The following SLC24A3 variants were observed in gnomAD, a reference collection of about 807,000 sequenced individuals.
SLC24A3 encodes solute carrier family 24 member 3, also known as sodium/potassium/calcium exchanger 3.
A neutral mutation model predicts 75.8 loss-of-function variants in SLC24A3; 28 were observed. That is an observed-to-expected ratio of 0.37 (90% CI 0.27 to 0.51). SLC24A3 has a LOEUF of 0.51. Among genes scored for constraint, SLC24A3 ranks in the 20% least tolerant of loss-of-function variants. The probability of loss-of-function intolerance (pLI) is 0.94; values close to 1 mark genes in which losing one functional copy is unlikely to be tolerated. For synonymous variants in SLC24A3, 372 were observed against 334.1 expected, an observed-to-expected ratio of 1.11 and a Z score of -1.24; for missense variants, 663 against 847.8, an observed-to-expected ratio of 0.78 and a Z score of 2.71.
At chr20:19,540,241 T>C (rs2030471893) in intron 3 of SLC24A3, among the ~76,000 whole-genome samples, 1 of 152,072 alleles carries the variant, frequency 6.6e-6, no homozygotes, top group Non-Finnish European at 1.5e-5. Context: ...GTAAAACACG[T>C]TCAGTGCAGA....
intron 3 of SLC24A3, among the ~76,000 whole-genome samples, chr20:19,569,632 G>T (rs1442972263): frequency 3.3e-5 from 5 of 152,194 alleles, no homozygotes; most frequent in Admixed American, 6.5e-5. Flanking sequence ...TGTGACAGGA[G>T]AGGGGAGGGC....
At chr20:19,619,159 T>G (rs1472408895) in intron 6 of SLC24A3, among the ~76,000 whole-genome samples, 2 of 152,212 alleles carry the variant, frequency 1.3e-5, no homozygotes, top group African/African-American at 2.4e-5. Flanking sequence ...AGCAATTCCC[T>G]TACAGCAAAT....
intron 1 of SLC24A3, chr20:19,244,222 A>G (rs1982417446): frequency 6.6e-6 from 1 of 152,108 alleles, no homozygotes. Context: ...GCATTCCTTT[A>G]GTGCCTTATG....
intron 8 of SLC24A3, among the ~76,000 whole-genome samples, chr20:19,666,268 A>T (rs2032398029): frequency 6.6e-6 from 1 of 152,118 alleles, no homozygotes; most frequent in African/African-American, 2.4e-5. Flanking sequence ...GCACTTTGAG[A>T]GGCCGAGGCG....
At chr20:19,583,445 C>T (rs1415874326) in intron 4 of SLC24A3, among the ~76,000 whole-genome samples, 1 of 152,018 alleles carries the variant, frequency 6.6e-6, no homozygotes, top group East Asian at 1.9e-4. Context: ...CTGGAGGGAG[C>T]TGGGGAGGGC....
At chr20:19,269,915 T>C (rs1983274748) in intron 1 of SLC24A3, among the ~76,000 whole-genome samples, 1 of 152,236 alleles carries the variant, frequency 6.6e-6, no homozygotes, top group Admixed American at 6.5e-5. Context: ...AAGAACATCC[T>C]GCATGCATAC....
At chr20:19,701,016 T>C (rs2032865346) in intron 15 of SLC24A3, among the ~76,000 whole-genome samples, 1 of 152,240 alleles carries the variant, frequency 6.6e-6, no homozygotes, top group Admixed American at 6.5e-5. Flanking sequence ...AATGACAATA[T>C]TTTTTACATG....
chr20:19,344,903 T>C (rs1051349980), intron 2 of SLC24A3, among the ~76,000 whole-genome samples: 1 of 152,096 alleles, frequency 6.6e-6, no homozygotes, highest in African/African-American at 2.4e-5. Context: ...AACTAGATAC[T>C]TTACCCCTAA....
intron 3 of SLC24A3, among the ~76,000 whole-genome samples, chr20:19,524,053 G>C (rs1354896899): frequency 6.6e-6 from 1 of 152,052 alleles, no homozygotes; most frequent in Non-Finnish European, 1.5e-5. Flanking sequence ...GCTTCAGCTG[G>C]GCTAACAGAA....
intron 3 of SLC24A3, among the ~76,000 whole-genome samples, chr20:19,546,052 G>A (rs1004894878): frequency 4.7e-5 from 7 of 150,488 alleles, no homozygotes; most frequent in Non-Finnish European, 8.9e-5. Context: ...CCAGCTACTC[G>A]GGAGGCAGAA....
At chr20:19,215,444 A>C (rs1424502704) in intron 1 of SLC24A3, among the ~76,000 whole-genome samples, 1 of 152,042 alleles carries the variant, frequency 6.6e-6, no homozygotes, top group East Asian at 1.9e-4. Context: ...TATTTATATA[A>C]TCTCATAGGG....
intron 2 of SLC24A3, among the ~76,000 whole-genome samples, chr20:19,306,037 CAAAT>C (rs58876421): frequency 0.043 from 6,501 of 152,102 alleles, 490 homozygotes; most frequent in East Asian, 0.26. Context: ...AAGCACAAAA[CAAAT>C]AACCCATTAA....
At chr20:19,454,379 G>A (rs1987543668) in intron 2 of SLC24A3, among the ~76,000 whole-genome samples, 2 of 152,152 alleles carry the variant, frequency 1.3e-5, no homozygotes, top group Non-Finnish European at 2.9e-5. Flanking sequence ...AATAGTTCAG[G>A]ACAATGAAAT....
chr20:19,509,378 T>C (rs1006739253), intron 2 of SLC24A3, among the ~76,000 whole-genome samples: 1 of 152,200 alleles, frequency 6.6e-6, no homozygotes, highest in African/African-American at 2.4e-5. Flanking sequence ...GAGGGTGACA[T>C]CAGCACCAGC....
At chr20:19,643,384 T>C (rs777283458) in intron 6 of SLC24A3, among the ~76,000 whole-genome samples, 3 of 152,212 alleles carry the variant, frequency 2.0e-5, no homozygotes, top group Non-Finnish European at 4.4e-5. Context: ...CGTTGTTAAT[T>C]GATGAAACCA....
chr20:19,468,984 G>A (rs1200530339), intron 2 of SLC24A3, among the ~76,000 whole-genome samples: 1 of 152,200 alleles, frequency 6.6e-6, no homozygotes, highest in African/African-American at 2.4e-5. Context: ...CTGGACAGAT[G>A]CAGGAGTTCA....
chr20:19,365,925 T>C (rs1364991324), intron 2 of SLC24A3, among the ~76,000 whole-genome samples: 6 of 152,240 alleles, frequency 3.9e-5, no homozygotes, highest in African/African-American at 1.4e-4. Context: ...GTTTTTTCTT[T>C]TCTCTGCCTC....
intron 2 of SLC24A3, among the ~76,000 whole-genome samples, chr20:19,326,812 G>T (rs1600431229): frequency 6.6e-6 from 1 of 152,038 alleles, no homozygotes; most frequent in Admixed American, 6.6e-5. Flanking sequence ...CAAGCTCCTG[G>T]CCTCAAGTGA....
At chr20:19,261,361 C>A (rs1307625402) in intron 1 of SLC24A3, among the ~76,000 whole-genome samples, 2 of 152,104 alleles carry the variant, frequency 1.3e-5, no homozygotes, top group Non-Finnish European at 2.9e-5. Flanking sequence ...CTTTTAGAGA[C>A]AAGGTCTCAC....
Sources: allele counts gnomAD v4.1 joint callset (sites outside exome capture counted in the v4.1 genomes callset), GRCh38; gene constraint gnomAD v4.1.1; transcripts MANE v1.5; gene names NCBI Gene and HGNC (gene_info 2026-07-23, HGNC 2026-07-21).